Variants in TCF12 observed in about 807,000 individuals in gnomAD.
TCF12 encodes DNA-binding protein HTF4.
TCF12 carries 45 observed loss-of-function variants against 86.0 expected under a neutral mutation model. That is an observed-to-expected ratio of 0.52 (90% CI 0.41 to 0.67). The LOEUF is 0.67. Ranked by LOEUF, TCF12 falls within the 30% of genes least tolerant of loss-of-function variation. The pLI is 0.00. For missense variants in TCF12, 881 were observed against 859.9 expected (o/e 1.02, Z -0.31); for synonymous variants, 330 against 299.6 (o/e 1.10, Z -1.05).
In TCF12 at chr15:57,028,212, C is replaced by T. The variant is rs180985386; in HGVS notation, c.149-35538C>T. Among the ~76,000 whole-genome samples, 21 of 152,284 alleles carry T rather than the reference C, an allele frequency of 1.4e-4. No homozygotes were observed. In the East Asian group the frequency reaches 2.7e-3, roughly 20 times the overall value. On this transcript the variant is annotated intron_variant, in intron 3 of 20. Coordinates refer to ENST00000333725, the MANE Select transcript of TCF12 (RefSeq NM_207037.2). ...TGAACTCCTGACCTCAGGTGATCTG[C>T]CCGCTTTGGCCTCTCAAAGATTATA...
At chr15:57,000,398 A>G (rs757100786) in intron 3 of TCF12, among the ~76,000 whole-genome samples, 7 of 152,150 alleles carry the variant, frequency 4.6e-5, no homozygotes, top group Non-Finnish European at 7.4e-5. Flanking sequence ...TACTTTTCTA[A>G]ATAACACATG....
chr15:56,924,672 C>T (rs1463292548), intron 3 of TCF12, among the ~76,000 whole-genome samples: 2 of 152,068 alleles, frequency 1.3e-5, no homozygotes, highest in Non-Finnish European at 2.9e-5. Flanking sequence ...ACATTTGTTT[C>T]AGGTAAGCTG....
intron 3 of TCF12, among the ~76,000 whole-genome samples, chr15:57,022,844 TCAGA>T (rs1282646072): frequency 6.6e-6 from 1 of 152,154 alleles, no homozygotes; most frequent in Non-Finnish European, 1.5e-5. Flanking sequence ...TTTCACGTGG[TCAGA>T]CAGATCTTTT....
At chr15:57,146,024 G>GT (rs1220208166) in intron 5 of TCF12, among the ~76,000 whole-genome samples, 1 of 152,140 alleles carries the variant, frequency 6.6e-6, no homozygotes, top group Non-Finnish European at 1.5e-5. Flanking sequence ...TTTGAGTGGA[G>GT]TTAAAAAACA....
At chr15:56,983,228 C>G (rs977958426) in intron 3 of TCF12, among the ~76,000 whole-genome samples, 1 of 152,164 alleles carries the variant, frequency 6.6e-6, no homozygotes, top group African/African-American at 2.4e-5. Flanking sequence ...TGCCTGTAGT[C>G]CACTGTAAGC....
At chr15:57,033,244 AT>A (rs1201631307) in intron 3 of TCF12, among the ~76,000 whole-genome samples, 2 of 152,132 alleles carry the variant, frequency 1.3e-5, no homozygotes, top group Admixed American at 1.3e-4. Flanking sequence ...GATGCAAAAA[AT>A]ATATATATAT....
At chr15:57,056,856 AGTT>A (rs2068072722) in intron 3 of TCF12, among the ~76,000 whole-genome samples, 2 of 149,570 alleles carry the variant, frequency 1.3e-5, no homozygotes, top group Non-Finnish European at 3.0e-5. Flanking sequence ...TATTGAGCAT[AGTT>A]ACAGCATCTG....
intron 12 of TCF12, among the ~76,000 whole-genome samples, chr15:57,237,567 G>A (rs963869992): frequency 1.3e-5 from 2 of 152,170 alleles, no homozygotes; most frequent in African/African-American, 4.8e-5. Flanking sequence ...TCATTTAACA[G>A]TATGAGGACC....
intron 8 of TCF12, among the ~76,000 whole-genome samples, chr15:57,225,206 G>T (rs1425193727): frequency 3.3e-5 from 4 of 120,734 alleles, no homozygotes; most frequent in African/African-American, 1.3e-4. Flanking sequence ...TACCATTTAG[G>T]TTACTGATAT....
intron 12 of TCF12, among the ~76,000 whole-genome samples, chr15:57,239,703 G>T (rs2059533651): frequency 6.6e-6 from 1 of 152,058 alleles, no homozygotes; most frequent in Non-Finnish European, 1.5e-5. Flanking sequence ...GAGAATTGTG[G>T]ATATCGGTGT....
intron 3 of TCF12, among the ~76,000 whole-genome samples, chr15:56,951,119 C>T (rs907052420): frequency 2.6e-5 from 4 of 152,120 alleles, no homozygotes; most frequent in Non-Finnish European, 5.9e-5. Context: ...ATCTTCAACT[C>T]ACTAAGAAAC....
intron 18 of TCF12, among the ~76,000 whole-genome samples, chr15:57,268,520 T>G (rs1160090446): frequency 6.6e-6 from 1 of 152,112 alleles, no homozygotes; most frequent in Non-Finnish European, 1.5e-5. Context: ...CCCAAACCAC[T>G]TAGGTTACAA....
chr15:56,989,358 G>A (rs2063336752), intron 3 of TCF12, among the ~76,000 whole-genome samples: 1 of 152,058 alleles, frequency 6.6e-6, no homozygotes, highest in South Asian at 2.1e-4. Context: ...AAAGTTTGCT[G>A]AACTCTTCTC....
chr15:57,153,033 A>G (rs1347736205), intron 5 of TCF12, among the ~76,000 whole-genome samples: 3 of 152,234 alleles, frequency 2.0e-5, no homozygotes, highest in Non-Finnish European at 4.4e-5. Flanking sequence ...GATGATAGTG[A>G]TATCTCTAAT....
intron 3 of TCF12, among the ~76,000 whole-genome samples, chr15:56,963,365 TC>T: frequency 6.6e-6 from 1 of 152,326 alleles, no homozygotes; most frequent in Middle Eastern, 3.4e-3. Context: ...GCAGATACGT[TC>T]TTTATGAAAT....
chr15:57,055,465 A>G (rs1017569023), intron 3 of TCF12, among the ~76,000 whole-genome samples: 1 of 152,206 alleles, frequency 6.6e-6, no homozygotes, highest in Non-Finnish European at 1.5e-5. Flanking sequence ...TTCTTATACC[A>G]AAGTTATACT....
chr15:57,264,195 C>CTTTTGTTTTTTTTTTTTTT (rs2060728795), intron 18 of TCF12, among the ~76,000 whole-genome samples: 1 of 50,698 alleles, frequency 2.0e-5, no homozygotes, highest in African/African-American at 1.0e-4. Flanking sequence ...CTTTTGTAAG[C>CTTTTGTTTTTTTTTTTTTT]TTTTTTTTTT....
chr15:57,278,788 T>C (rs2061539603), intron 19 of TCF12: 1 of 142,286 alleles, frequency 7.0e-6, no homozygotes, highest in African/African-American at 2.6e-5. Context: ...TCTCCCTCCC[T>C]CTCTCTCTCC....
intron 6 of TCF12, among the ~76,000 whole-genome samples, chr15:57,173,279 A>G (rs1274585039): frequency 1.3e-5 from 2 of 152,228 alleles, no homozygotes; most frequent in African/African-American, 4.8e-5. Context: ...AGGAAAGTAT[A>G]CTTTTGAAAG....
Sources: allele counts gnomAD v4.1 joint callset (sites outside exome capture counted in the v4.1 genomes callset), GRCh38; gene constraint gnomAD v4.1.1; transcripts MANE v1.5; gene names NCBI Gene and HGNC (gene_info 2026-07-23, HGNC 2026-07-21).